Variants in PDE4A observed in about 807,000 individuals in gnomAD.
PDE4A encodes phosphodiesterase 4A.
A neutral mutation model predicts 73.9 loss-of-function variants in PDE4A; 21 were observed. The ratio of observed to expected loss-of-function variants is 0.28; its 90% confidence interval spans 0.20 to 0.41. The LOEUF is 0.41. Among genes scored for constraint, PDE4A ranks in the 10% least tolerant of loss-of-function variants. The pLI is 1.00. For missense variants in PDE4A, 958 were observed against 1,211.4 expected, an observed-to-expected ratio of 0.79 and a Z score of 3.10; for synonymous variants, 463 against 505.4, an observed-to-expected ratio of 0.92 and a Z score of 1.13.
chr19:10,421,144 C>G (rs921221453), intron 1 of PDE4A, 60 bp downstream of exon 1: 2 of 1,338,058 alleles, frequency 1.5e-6, no homozygotes, highest in Non-Finnish European at 1.9e-6. Flanking sequence ...GGAGGCAACT[C>G]GAGCTGCCGG....
chr19:10,438,266 C>A (rs931155601), intron 1 of PDE4A, among the ~76,000 whole-genome samples: 27 of 151,970 alleles, frequency 1.8e-4, no homozygotes, highest in African/African-American at 6.3e-4. Context: ...GCACGCACCA[C>A]CACACCCAGC....
intron 1 of PDE4A, chr19:10,430,802 C>A (rs1469925398): frequency 4.9e-6 from 4 of 819,980 alleles, no homozygotes; most frequent in Non-Finnish European, 5.9e-6. Context: ...GGGTGGGCGG[C>A]GCAGCTCCCC....
At chr19:10,436,485 G>A (rs982035302) in intron 1 of PDE4A, among the ~76,000 whole-genome samples, 1 of 152,042 alleles carries the variant, frequency 6.6e-6, no homozygotes, top group South Asian at 2.1e-4. Context: ...AACCTGAGAG[G>A]CGGAGGTTGC....
intron 1 of PDE4A, among the ~76,000 whole-genome samples, chr19:10,422,691 C>T (rs1294906071): frequency 1.3e-5 from 2 of 152,176 alleles, no homozygotes; most frequent in Non-Finnish European, 2.9e-5. Context: ...GATCACCCCC[C>T]AGCCCCAGTC....
chr19:10,441,040 T>A (rs1303329111), intron 1 of PDE4A, among the ~76,000 whole-genome samples: 1 of 151,350 alleles, frequency 6.6e-6, no homozygotes. Flanking sequence ...GCCTGGCCTA[T>A]TTATTTTTGA....
At chr19:10,422,842 G>T (rs1010842027) in intron 1 of PDE4A, among the ~76,000 whole-genome samples, 1 of 152,142 alleles carries the variant, frequency 6.6e-6, no homozygotes, top group African/African-American at 2.4e-5. Context: ...GGGGCAGGGG[G>T]CCAAACTGGC....
chr19:10,428,022 CT>C (rs1056534699), intron 1 of PDE4A: 2 of 170,160 alleles, frequency 1.2e-5, no homozygotes, highest in African/African-American at 4.9e-5. Context: ...AGAATATCAC[CT>C]GGTGGGTGTC....
intron 1 of PDE4A, chr19:10,432,628 G>A: frequency 6.8e-7 from 1 of 1,464,012 alleles, no homozygotes; most frequent in Non-Finnish European, 9.1e-7. Context: ...CACTGGCTGT[G>A]CTGGGGGGGT....
intron 13 of PDE4A, among the ~76,000 whole-genome samples, chr19:10,463,083 T>G (rs2144507452): frequency 6.6e-6 from 1 of 151,768 alleles, no homozygotes; most frequent in South Asian, 2.1e-4. Context: ...TTCTTTCTCT[T>G]TCTTCTTTTC....
chr19:10,448,706 G>C, intron 2 of PDE4A: 5 of 463,452 alleles, frequency 1.1e-5, no homozygotes, highest in Non-Finnish European at 1.4e-5. Context: ...CTTCTCCCCG[G>C]ACCTACCTGA....
intron 1 of PDE4A, among the ~76,000 whole-genome samples, chr19:10,434,463 C>T (rs558843356): frequency 1.5e-3 from 231 of 152,266 alleles, no homozygotes; most frequent in African/African-American, 5.3e-3. Flanking sequence ...CCACCTTGGC[C>T]TCCCAAAGTG....
chr19:10,419,255 CG>C (rs1319966973), upstream of PDE4A, among the ~76,000 whole-genome samples: 1 of 111,650 alleles, frequency 9.0e-6, no homozygotes, highest in Non-Finnish European at 1.8e-5. Context: ...GACACGCGGG[CG>C]CGTGCACTCC....
At chr19:10,444,591 G>A (rs1599427240) in intron 1 of PDE4A, among the ~76,000 whole-genome samples, 1 of 152,076 alleles carries the variant, frequency 6.6e-6, no homozygotes, top group East Asian at 1.9e-4. Context: ...GAGGCCTGAA[G>A]GAGGGAAAGA....
At chr19:10,418,876 G>A (rs1274307338), upstream of PDE4A, 5 of 984,548 alleles carry the variant, frequency 5.1e-6, no homozygotes, top group East Asian at 4.6e-4. Flanking sequence ...AAATTCCCTA[G>A]AAGCCGTTTT....
intron 1 of PDE4A, among the ~76,000 whole-genome samples, chr19:10,423,599 AGTGGGGCTTTTGTTGGCACTGCCAT>A (rs1312387976): frequency 6.6e-6 from 1 of 152,102 alleles, no homozygotes; most frequent in African/African-American, 2.4e-5. Flanking sequence ...CAGTCTGTAG[AGTGGGGCTTTTGTTGGCACTGCCAT>A]GTGGGGGTCA....
At chr19:10,435,769 C>G (rs2042857768) in intron 1 of PDE4A, among the ~76,000 whole-genome samples, 1 of 152,102 alleles carries the variant, frequency 6.6e-6, no homozygotes, top group Admixed American at 6.6e-5. Flanking sequence ...TCTGGCCTAA[C>G]TTTGGGCCAC....
chr19:10,455,638 C>T (rs934003923), intron 7 of PDE4A, among the ~76,000 whole-genome samples: 2 of 151,270 alleles, frequency 1.3e-5, no homozygotes, highest in African/African-American at 4.9e-5. Flanking sequence ...CGTCTCAAAA[C>T]AAACAAACAA....
intron 1 of PDE4A, among the ~76,000 whole-genome samples, chr19:10,441,623 G>C (rs973188115): frequency 5.9e-5 from 9 of 151,484 alleles, no homozygotes; most frequent in African/African-American, 2.2e-4. Flanking sequence ...CTAATGTCAT[G>C]AAGCTGCTAA....
In PDE4A at chr19:10,466,848, C is replaced by G; in HGVS notation, c.1927-39C>G. 2 of 1,592,270 alleles carry G rather than the reference C, an allele frequency of 1.3e-6. 1 individual carries two copies. The highest frequency in any genetic ancestry group is 2.3e-5 in the South Asian group (2 of 88,036). ...CCATAATGTGGTGGTATCATCCACC[C>G]CATAGGCCGCCCATTTATACTTTCT... On this transcript the variant is annotated intron_variant, in intron 14 of 14. Transcript: ENST00000380702.
Sources: allele counts gnomAD v4.1 joint callset (sites outside exome capture counted in the v4.1 genomes callset), GRCh38; gene constraint gnomAD v4.1.1; transcripts MANE v1.5; gene names NCBI Gene and HGNC (gene_info 2026-07-23, HGNC 2026-07-21).